SH3KBP1: variants seen among roughly 807,000 people sequenced by gnomAD.
SH3KBP1 encodes SH3 domain containing kinase binding protein 1, also known as SH3 domain-containing kinase-binding protein 1.
In SH3KBP1, 8 loss-of-function variants were observed where a neutral mutation model predicts 50.1. The observed-to-expected ratio is 0.16, with a 90% CI of 0.09 to 0.29. The LOEUF (loss-of-function observed/expected upper bound fraction) is 0.29. Among genes scored for constraint, SH3KBP1 ranks in the 10% least tolerant of loss-of-function variants. The pLI, the probability that SH3KBP1 is intolerant of heterozygous loss-of-function variation, is 1.00. For missense variants in SH3KBP1, 377 were observed against 535.2 expected, an observed-to-expected ratio of 0.70 and a Z score of 2.92; for synonymous variants, 227 against 218.6, an observed-to-expected ratio of 1.04 and a Z score of -0.34.
At chrX:19,572,236 T>C (rs1426631221) in intron 12 of SH3KBP1, among the ~76,000 whole-genome samples, 1 of 107,061 alleles carries the variant, frequency 9.3e-6, no homozygotes, top group Non-Finnish European at 1.9e-5. Flanking sequence ...ATAGTACATA[T>C]ATATGTTATA....
intron 3 of SH3KBP1, among the ~76,000 whole-genome samples, chrX:19,724,182 A>C (rs1412831636): frequency 2.7e-5 from 3 of 111,306 alleles, no homozygotes; most frequent in African/African-American, 9.8e-5. Context: ...CTTAGAAGTT[A>C]TAAATCTAGA....
chrX:19,787,365 T>C (rs1313301311), intron 2 of SH3KBP1, among the ~76,000 whole-genome samples: 1 of 112,313 alleles, frequency 8.9e-6, no homozygotes, highest in East Asian at 2.8e-4. Context: ...GATAATTAAC[T>C]AGCATTAGTA....
At chrX:19,605,485 C>G (rs1269349401) in intron 9 of SH3KBP1, among the ~76,000 whole-genome samples, 2 of 111,813 alleles carry the variant, frequency 1.8e-5, no homozygotes, top group Non-Finnish European at 3.8e-5. Flanking sequence ...GGAGAGGAGT[C>G]ACCATGAAGG....
chrX:19,595,130 A>G (rs2066863425), intron 9 of SH3KBP1, 130 bp from the exon 10 acceptor site: 1 of 503,236 alleles, frequency 2.0e-6, no homozygotes, highest in African/African-American at 2.3e-5. Context: ...AAATTGAGCA[A>G]TTCTCTCTCC....
intron 4 of SH3KBP1, among the ~76,000 whole-genome samples, chrX:19,698,482 G>A (rs1361648159): frequency 8.9e-6 from 1 of 112,069 alleles, no homozygotes; most frequent in Non-Finnish European, 1.9e-5. Context: ...TGAGAAGAGT[G>A]GCCTATGGGA....
At chrX:19,853,195 G>A (rs2068557422) in intron 1 of SH3KBP1, among the ~76,000 whole-genome samples, 2 of 112,875 alleles carry the variant, frequency 1.8e-5, no homozygotes, top group African/African-American at 3.2e-5. Flanking sequence ...AGAAAAAAGA[G>A]TGAGAGAGAA....
At chrX:19,780,495 T>G (rs1286310836) in intron 2 of SH3KBP1, among the ~76,000 whole-genome samples, 11 of 103,540 alleles carry the variant, frequency 1.1e-4, no homozygotes, top group African/African-American at 3.5e-4. Flanking sequence ...GCTTTTGGTG[T>G]TTTAGACATG....
At chrX:19,820,023 A>C (rs1429589408) in intron 2 of SH3KBP1, among the ~76,000 whole-genome samples, 1 of 111,748 alleles carries the variant, frequency 8.9e-6, no homozygotes, top group Non-Finnish European at 1.9e-5. Context: ...AGATTTTCTG[A>C]TCTTTCCATT....
intron 2 of SH3KBP1, among the ~76,000 whole-genome samples, chrX:19,828,090 C>T (rs1355224692): frequency 3.6e-5 from 4 of 110,813 alleles, no homozygotes; most frequent in Non-Finnish European, 5.7e-5. Flanking sequence ...TTTTACAATC[C>T]TATAAAAGTC....
intron 1 of SH3KBP1, among the ~76,000 whole-genome samples, chrX:19,876,724 A>G (rs1179967948): frequency 6.2e-5 from 7 of 112,005 alleles, no homozygotes; most frequent in Non-Finnish European, 1.3e-4. Flanking sequence ...GGGGAGGGTC[A>G]CTGCATAGCT....
chrX:19,609,964 A>G (rs1420609328), intron 8 of SH3KBP1, among the ~76,000 whole-genome samples: 1 of 111,736 alleles, frequency 8.9e-6, no homozygotes, highest in Non-Finnish European at 1.9e-5. Context: ...GTAGCAAGTA[A>G]TTCATCACCA....
Position 19,536,121 on chromosome X carries a change from T to C in SH3KBP1, c.*296A>G, listed in dbSNP as rs777812376. 2 of 209,602 alleles carry C rather than the reference T, an allele frequency of 9.5e-6. No individual in the cohort carries two copies. The highest frequency in any genetic ancestry group is 1.8e-5 in the Non-Finnish European group (2 of 114,064). The allele number at this position is 209,602 out of a possible 1,213,427, so 17.3% of individuals were successfully genotyped here. ...AAATATCATCAAAATAGTACCACTATGGACTAAACTGCCTGAGTTTTCATT... is the reference window on the plus strand; with the variant it reads ...AAATATCATCAAAATAGTACCACTACGGACTAAACTGCCTGAGTTTTCATT... On this transcript the variant is annotated 3_prime_UTR_variant, in exon 18 of 18. Transcript: ENST00000397821.
At chrX:19,688,931 A>G (rs1416913452) in intron 5 of SH3KBP1, among the ~76,000 whole-genome samples, 1 of 111,336 alleles carries the variant, frequency 9.0e-6, no homozygotes, top group Non-Finnish European at 1.9e-5. Flanking sequence ...TTAAAATGGG[A>G]AACCCAAGAG....
chrX:19,631,291 C>T (rs1380625362), intron 8 of SH3KBP1, among the ~76,000 whole-genome samples: 1 of 112,716 alleles, frequency 8.9e-6, no homozygotes, highest in Non-Finnish European at 1.9e-5. Context: ...ACAAAGTACA[C>T]AGCCAAGGCC....
chrX:19,682,449 T>G (rs762302295), intron 6 of SH3KBP1, among the ~76,000 whole-genome samples: 2 of 108,914 alleles, frequency 1.8e-5, no homozygotes, highest in Non-Finnish European at 3.8e-5. Context: ...GTTTGCTGAC[T>G]GAGTCAATGG....
At chrX:19,695,805 T>C (rs963962096) in intron 4 of SH3KBP1, 64 bp from the exon 5 acceptor site, 1 of 1,121,949 alleles carries the variant, frequency 8.9e-7, no homozygotes, top group African/African-American at 1.8e-5. Flanking sequence ...GGTTTCCAAT[T>C]TTGCCTCCCA....
At chrX:19,758,507 G>A (rs768382730) in intron 2 of SH3KBP1, among the ~76,000 whole-genome samples, 11 of 110,842 alleles carry the variant, frequency 9.9e-5, no homozygotes, top group Non-Finnish European at 1.7e-4. Flanking sequence ...GAGCTAAACA[G>A]TTTGGCTAAT....
intron 13 of SH3KBP1, among the ~76,000 whole-genome samples, chrX:19,551,867 C>A (rs1166945787): frequency 9.0e-6 from 1 of 110,998 alleles, no homozygotes; most frequent in Non-Finnish European, 1.9e-5. Context: ...CACCATCTGA[C>A]ATGAACACCC....
Position 19,787,104 on chromosome X carries a change from C to A in SH3KBP1, c.163-40663G>T, listed in dbSNP as rs192313618. Among the ~76,000 whole-genome samples the A allele has an allele frequency of 1.0e-3, 117 of 111,789 alleles. 1 individual carries two copies. The highest frequency in any genetic ancestry group is 3.6e-3 in the African/African-American group (112 of 30,746). ...CTCCCTCCTCTCCTGGGATCTCTAACTCTTTAAGGCACAGCCCAAGCCTAA... is the reference window on the plus strand; with the variant it reads ...CTCCCTCCTCTCCTGGGATCTCTAAATCTTTAAGGCACAGCCCAAGCCTAA... On this transcript the variant is annotated intron_variant, in intron 2 of 17. Coordinates refer to ENST00000397821, the MANE Select transcript of SH3KBP1 (RefSeq NM_031892.3).
Sources: gnomAD v4.1 joint callset for allele counts (sites outside exome capture counted in the v4.1 genomes callset) on GRCh38, gnomAD v4.1.1 for gene constraint, MANE v1.5 for transcripts, NCBI Gene and HGNC (gene_info 2026-07-23, HGNC 2026-07-21) for gene names.